Variants in TENM4 observed in about 807,000 individuals in gnomAD.
TENM4 encodes teneurin transmembrane protein 4.
TENM4 carries 82 observed loss-of-function variants against 243.3 expected under a neutral mutation model. The ratio of observed to expected loss-of-function variants is 0.34; its 90% CI spans 0.28 to 0.40. TENM4 has a LOEUF of 0.40. TENM4 is among the 10% of genes least tolerant of loss of function. The probability of loss-of-function intolerance (pLI) is 1.00; values close to 1 mark genes in which losing one functional copy is unlikely to be tolerated. For synonymous variants in TENM4, 1,412 were observed against 1,456.3 expected (o/e 0.97, Z 0.69); for missense variants, 3,138 against 3,673.3 (o/e 0.85, Z 3.77).
chr11:78,897,115 T>G (rs929626356), intron 7 of TENM4, among the ~76,000 whole-genome samples: 2 of 151,946 alleles, frequency 1.3e-5, no homozygotes, highest in Admixed American at 6.6e-5. Flanking sequence ...GGGCAGGGGG[T>G]GCCGACATGA....
intron 1 of TENM4, among the ~76,000 whole-genome samples, chr11:79,386,369 C>G (rs1043643686): frequency 6.6e-6 from 1 of 151,994 alleles, no homozygotes; most frequent in African/African-American, 2.4e-5. Context: ...CTTTCTTAAA[C>G]AAGACATAAA....
chr11:78,724,380 C>T (rs1304194804), intron 23 of TENM4, among the ~76,000 whole-genome samples: 3 of 152,232 alleles, frequency 2.0e-5, no homozygotes, highest in Admixed American at 1.3e-4. Context: ...GCATGAGCCA[C>T]GGTGCCTGGC....
At chr11:79,045,480 C>T (rs888652185) in intron 6 of TENM4, among the ~76,000 whole-genome samples, 1 of 152,166 alleles carries the variant, frequency 6.6e-6, no homozygotes, top group Non-Finnish European at 1.5e-5. Flanking sequence ...CTTTCCTCTC[C>T]TACCTAGTGT....
At chr11:79,389,648 T>C (rs770609937) in intron 1 of TENM4, among the ~76,000 whole-genome samples, 1 of 152,322 alleles carries the variant, frequency 6.6e-6, no homozygotes, top group South Asian at 2.1e-4. Flanking sequence ...TACAGATCAA[T>C]ATTTGCAATC....
At chr11:78,854,376 C>T (rs546290245) in intron 11 of TENM4, 62 bp from the exon 12 acceptor site, 3 of 1,399,706 alleles carry the variant, frequency 2.1e-6, no homozygotes, top group Admixed American at 2.9e-5. Context: ...AGCGTCCTTC[C>T]CGGGGCTTCT....
At chr11:79,075,621 T>C (rs955516333) in intron 4 of TENM4, among the ~76,000 whole-genome samples, 2 of 152,158 alleles carry the variant, frequency 1.3e-5, no homozygotes, top group African/African-American at 4.8e-5. Flanking sequence ...AGCAAATATA[T>C]AACTAAGGAC....
intron 25 of TENM4, among the ~76,000 whole-genome samples, chr11:78,713,833 A>T (rs538354893): frequency 2.0e-5 from 3 of 152,284 alleles, no homozygotes; most frequent in Admixed American, 6.5e-5. Flanking sequence ...TGGTACTGAC[A>T]TACAATTTCT....
chr11:79,167,204 G>C (rs1034923676), intron 3 of TENM4, among the ~76,000 whole-genome samples: 5 of 152,166 alleles, frequency 3.3e-5, no homozygotes, highest in African/African-American at 1.2e-4. Context: ...CTGGTTGCGA[G>C]GTGGCTGCCA....
At chr11:79,307,896 T>C (rs1477489372) in intron 1 of TENM4, among the ~76,000 whole-genome samples, 1 of 152,170 alleles carries the variant, frequency 6.6e-6, no homozygotes, top group African/African-American at 2.4e-5. Context: ...AGACCTCAAC[T>C]TGGAGCCAAG....
chr11:79,184,889 A>G (rs1863354287), intron 3 of TENM4, among the ~76,000 whole-genome samples: 2 of 152,252 alleles, frequency 1.3e-5, no homozygotes, highest in Non-Finnish European at 2.9e-5. Context: ...ATTTCACCAC[A>G]ATTTTAGAAA....
intron 6 of TENM4, among the ~76,000 whole-genome samples, chr11:79,039,739 G>C (rs978463233): frequency 6.6e-6 from 1 of 152,126 alleles, no homozygotes; most frequent in Non-Finnish European, 1.5e-5. Flanking sequence ...ACCATGGCAC[G>C]TGTATACCTA....
chr11:79,129,833 G>C (rs182574679), intron 4 of TENM4, among the ~76,000 whole-genome samples: 213 of 152,212 alleles, frequency 1.4e-3, no homozygotes, highest in African/African-American at 4.6e-3. Context: ...GCATTTAATC[G>C]TGGGAGTTCT....
At chr11:79,314,397 A>T (rs1192255039) in intron 1 of TENM4, among the ~76,000 whole-genome samples, 1 of 152,214 alleles carries the variant, frequency 6.6e-6, no homozygotes, top group African/African-American at 2.4e-5. Context: ...GATGGTGGAG[A>T]TAAATGAATT....
intron 6 of TENM4, among the ~76,000 whole-genome samples, chr11:79,013,206 T>C (rs1003831836): frequency 6.6e-6 from 1 of 152,188 alleles, no homozygotes; most frequent in African/African-American, 2.4e-5. Flanking sequence ...ATTTCCTGAC[T>C]TAGATCCTTC....
intron 1 of TENM4, among the ~76,000 whole-genome samples, chr11:79,337,959 CT>C (rs1857175247): frequency 6.6e-6 from 1 of 152,206 alleles, no homozygotes; most frequent in African/African-American, 2.4e-5. Flanking sequence ...CCCCTCACTG[CT>C]TTTGAGACTG....
chr11:78,882,611 G>C (rs1855456020), intron 9 of TENM4, among the ~76,000 whole-genome samples: 1 of 152,196 alleles, frequency 6.6e-6, no homozygotes, highest in Non-Finnish European at 1.5e-5. Context: ...CAGTTTGTAT[G>C]ATGAAATGTC....
chr11:78,895,128 G>C (rs1050797102), intron 7 of TENM4, among the ~76,000 whole-genome samples: 3 of 151,906 alleles, frequency 2.0e-5, no homozygotes, highest in African/African-American at 7.3e-5. Context: ...TGGATCATGA[G>C]GTCAGGAGAT....
intron 19 of TENM4, among the ~76,000 whole-genome samples, chr11:78,745,861 C>T (rs1856039483): frequency 6.6e-6 from 1 of 152,194 alleles, no homozygotes; most frequent in African/African-American, 2.4e-5. Flanking sequence ...CATTGTGCTT[C>T]AATCTTTATA....
At chr11:78,716,461 A>G (rs1025944576) in intron 25 of TENM4, among the ~76,000 whole-genome samples, 26 of 152,198 alleles carry the variant, frequency 1.7e-4, no homozygotes, top group African/African-American at 6.3e-4. Flanking sequence ...GGAGGGACTG[A>G]TTACCAGTCT....
Sources: allele counts gnomAD v4.1 joint callset (sites outside exome capture counted in the v4.1 genomes callset), GRCh38; gene constraint gnomAD v4.1.1; transcripts MANE v1.5; gene names NCBI Gene and HGNC (gene_info 2026-07-23, HGNC 2026-07-21).